Variants in ATG10 observed in about 807,000 individuals in gnomAD.
ATG10 encodes ubiquitin-like-conjugating enzyme ATG10.
In ATG10, 30 loss-of-function variants were observed where a neutral mutation model predicts 32.1. The observed-to-expected ratio is 0.94, with a 90% CI of 0.70 to 1.27. ATG10 has a LOEUF of 1.27. Among genes scored for constraint, ATG10 ranks in the 50% most tolerant of loss-of-function variants. ATG10 has a pLI of 0.00. For missense variants in ATG10, 233 were observed against 262.3 expected, an observed-to-expected ratio of 0.89 and a Z score of 0.77; for synonymous variants, 87 against 91.5, an observed-to-expected ratio of 0.95 and a Z score of 0.28.
At chr5:82,010,657 A>G (rs1266052856) in intron 2 of ATG10, among the ~76,000 whole-genome samples, 2 of 152,194 alleles carry the variant, frequency 1.3e-5, no homozygotes, top group South Asian at 2.1e-4. Context: ...TTTACTAGGT[A>G]TATTTTGTAA....
At chr5:82,093,359 G>C (rs1011003142) in intron 3 of ATG10, among the ~76,000 whole-genome samples, 1 of 152,174 alleles carries the variant, frequency 6.6e-6, no homozygotes, top group South Asian at 2.1e-4. Flanking sequence ...AGTTCACTAA[G>C]CTTTTCTTCT....
intron 5 of ATG10, among the ~76,000 whole-genome samples, chr5:82,244,734 C>A (rs1746954498): frequency 6.6e-6 from 1 of 152,142 alleles, no homozygotes; most frequent in Admixed American, 6.6e-5. Context: ...AATGAAGGTG[C>A]AGTATTATCA....
chr5:82,058,441 G>A (rs1426463321), intron 2 of ATG10, 54 bp from the exon 3 acceptor site: 4 of 1,300,958 alleles, frequency 3.1e-6, no homozygotes, highest in Non-Finnish European at 2.2e-6. Context: ...TTAAAATGAT[G>A]AATTCTTAAA....
intron 5 of ATG10, among the ~76,000 whole-genome samples, chr5:82,230,321 T>C (rs960413474): frequency 3.3e-5 from 5 of 152,248 alleles, no homozygotes; most frequent in Non-Finnish European, 7.3e-5. Context: ...GGAAATGTGA[T>C]CATACAAATC....
Position 82,053,742 on chromosome 5 carries a change from A to G in ATG10, c.109-4753A>G, listed in dbSNP as rs188524044. 1.6e-4 allele frequency among the ~76,000 whole-genome samples: 24 copies of G among 152,316 alleles called. No individual in the cohort carries two copies. In the East Asian group the frequency reaches 4.2e-3, roughly 27 times the overall value. ...TTCTTCTACAGTGACAGAGTGAAGC[A>G]TCATGCTTTGTGGTGAATGGACAGC... On this transcript the variant is annotated intron_variant, in intron 2 of 7. Coordinates refer to ENST00000282185, the MANE Select transcript of ATG10 (RefSeq NM_031482.5).
chr5:82,241,851 A>T (rs1278347045), intron 5 of ATG10, among the ~76,000 whole-genome samples: 1 of 152,024 alleles, frequency 6.6e-6, no homozygotes, highest in Non-Finnish European at 1.5e-5. Flanking sequence ...AAGAAAAAAA[A>T]ACCTCCCCAG....
chr5:82,202,885 G>T (rs1325384682), intron 5 of ATG10, among the ~76,000 whole-genome samples: 2 of 152,128 alleles, frequency 1.3e-5, no homozygotes, highest in African/African-American at 4.8e-5. Flanking sequence ...TCTATGACAG[G>T]GACTACTCTT....
chr5:82,212,912 C>T (rs546988205), intron 5 of ATG10, among the ~76,000 whole-genome samples: 4 of 152,170 alleles, frequency 2.6e-5, no homozygotes, highest in Admixed American at 6.5e-5. Flanking sequence ...ATACCAGTGA[C>T]TCTAAAGTTA....
At chr5:82,200,810 T>G (rs866282948) in intron 5 of ATG10, among the ~76,000 whole-genome samples, 1 of 151,356 alleles carries the variant, frequency 6.6e-6, no homozygotes, top group Admixed American at 6.6e-5. Context: ...TTTAACAGTT[T>G]TTCACAGAGT....
Position 82,178,678 on chromosome 5 carries a change from C to T in ATG10, c.453+91C>T, listed in dbSNP as rs998605304. On this transcript the variant is annotated intron_variant, in intron 5 of 7. Transcript: ENST00000282185. ...TGCTAGTTCCCTCTCCAACTCTTTT[C>T]CCTATTTCACTTGTCTATATCTTTA... The T allele has an allele frequency of 2.1e-5, 18 of 847,682 alleles. No individual in the cohort carries two copies. In the Admixed American group the frequency reaches 3.5e-4, roughly 17 times the overall value. The allele number at this position is 847,682 out of a possible 1,614,324, so 52.5% of individuals were successfully genotyped here.
intron 1 of ATG10, among the ~76,000 whole-genome samples, chr5:81,983,724 T>C (rs1201492359): frequency 8.3e-6 from 1 of 119,886 alleles, no homozygotes; most frequent in African/African-American, 3.3e-5. Flanking sequence ...CTGCCGGGCG[T>C]AGGGGCTTCT....
At chr5:82,047,423 G>A (rs372988004) in intron 2 of ATG10, among the ~76,000 whole-genome samples, 7 of 152,150 alleles carry the variant, frequency 4.6e-5, no homozygotes, top group African/African-American at 1.4e-4. Flanking sequence ...TAAGGAAAAC[G>A]GAACTAGTGT....
chr5:82,004,873 G>A (rs1761946260), intron 2 of ATG10, among the ~76,000 whole-genome samples: 1 of 152,066 alleles, frequency 6.6e-6, no homozygotes, highest in Admixed American at 6.6e-5. Context: ...TTTTTGGACT[G>A]GTAACAATTA....
intron 3 of ATG10, among the ~76,000 whole-genome samples, chr5:82,096,972 T>G (rs1392483293): frequency 6.6e-6 from 1 of 152,200 alleles, no homozygotes; most frequent in Non-Finnish European, 1.5e-5. Context: ...TACCTCAAGG[T>G]TAAGGTCAAT....
chr5:82,060,724 G>A (rs1225306990), intron 3 of ATG10, among the ~76,000 whole-genome samples: 1 of 152,128 alleles, frequency 6.6e-6, no homozygotes, highest in Non-Finnish European at 1.5e-5. Flanking sequence ...ATTTAGCCAG[G>A]TGTGGGGGCT....
intron 3 of ATG10, among the ~76,000 whole-genome samples, chr5:82,143,706 T>C (rs1767236810): frequency 6.6e-6 from 1 of 152,206 alleles, no homozygotes; most frequent in Admixed American, 6.5e-5. Flanking sequence ...AAAGAGTTTG[T>C]TATCACTGTC....
intron 5 of ATG10, among the ~76,000 whole-genome samples, chr5:82,220,483 C>T (rs1463800659): frequency 2.6e-5 from 4 of 151,882 alleles, no homozygotes; most frequent in Admixed American, 6.6e-5. Flanking sequence ...AGGATGGTCT[C>T]GATCTCCTGA....
In ATG10 at chr5:81,984,085, G is replaced by A. The variant is rs532938677; in HGVS notation, c.-12-3474G>A. On this transcript the variant is annotated intron_variant, in intron 1 of 7. Coordinates refer to ENST00000282185, the MANE Select transcript of ATG10 (RefSeq NM_031482.5). ...GGAGGCCAAGGCAGGCGGCTGGGAGGTGGAGGCTGCAGCGAGCCGAGATCA... is the reference window on the plus strand; with the variant it reads ...GGAGGCCAAGGCAGGCGGCTGGGAGATGGAGGCTGCAGCGAGCCGAGATCA... 7.9e-5 allele frequency among the ~76,000 whole-genome samples: 12 copies of A among 152,376 alleles called. No individual in the cohort carries two copies. The South Asian group carries it at 2.5e-3, about 32-fold the overall frequency.
chr5:82,131,877 TA>T (rs938684995), intron 3 of ATG10, among the ~76,000 whole-genome samples: 3 of 151,952 alleles, frequency 2.0e-5, no homozygotes, highest in African/African-American at 7.3e-5. Context: ...GCTTCTGGGA[TA>T]GGGGAGGGTG....
Sources: gnomAD v4.1 joint callset for allele counts (sites outside exome capture counted in the v4.1 genomes callset) on GRCh38, gnomAD v4.1.1 for gene constraint, MANE v1.5 for transcripts, NCBI Gene and HGNC (gene_info 2026-07-23, HGNC 2026-07-21) for gene names.